FAM133A: variants seen among roughly 807,000 people sequenced by gnomAD.
FAM133A encodes the protein family with sequence similarity 133 member A.
For synonymous variants in FAM133A, 65 were observed against 58.6 expected, an observed-to-expected ratio of 1.11 and a Z score of -0.50; for missense variants, 159 against 164.4, an observed-to-expected ratio of 0.97 and a Z score of 0.18.
intron 2 of FAM133A, among the ~76,000 whole-genome samples, chrX:93,679,915 ATTTTTTTTTTTTTTT>A (rs376335726): frequency 7.9e-4 from 49 of 62,418 alleles, no homozygotes; most frequent in African/African-American, 3.8e-3. Context: ...CTCCTGGCAA[ATTTTTTTTTTTTTTT>A]TTTTTTTTTT....
intron 3 of FAM133A, among the ~76,000 whole-genome samples, chrX:93,708,151 G>A (rs1057274411): frequency 8.9e-6 from 1 of 111,776 alleles, no homozygotes; most frequent in Non-Finnish European, 1.9e-5. Context: ...TTAACCTAAT[G>A]GTTGACTTTC....
intron 2 of FAM133A, among the ~76,000 whole-genome samples, chrX:93,684,909 T>C (rs34564043): frequency 0.069 from 7,757 of 111,893 alleles, 611 homozygotes; most frequent in African/African-American, 0.23. Flanking sequence ...TTCACTTGAA[T>C]AGCACTCATA....
intron 2 of FAM133A, among the ~76,000 whole-genome samples, chrX:93,675,301 TG>T (rs1380779753): frequency 1.8e-5 from 2 of 112,138 alleles, no homozygotes; most frequent in Admixed American, 9.4e-5. Flanking sequence ...TGCCTATTTA[TG>T]TATACTGCTT....
chrX:93,707,343 G>C (rs1183452354), intron 3 of FAM133A, among the ~76,000 whole-genome samples: 1 of 111,356 alleles, frequency 9.0e-6, no homozygotes, highest in South Asian at 3.8e-4. Context: ...CTATCACCAA[G>C]AGTCACTGAA....
rs780369284 is a variant in FAM133A at position 93,710,142 on chromosome X, T to C, written c.723T>C (p.Ser241=). Residue 241 remains serine (S), a synonymous_variant, in exon 4 of 4, where the codon TCT becomes TCC. Transcript: ENST00000683942. ...ATAGTAAGAAGAAGAAAAAGAAGTC[T>C]GGATCAAGTCACAAGTCAAGGTAAC... ...KKHSKKKKKK[S]GSSHKSR is the part of the protein sequence containing the mutation. The C allele has an allele frequency of 8.5e-7, 1 of 1,180,837 alleles. No homozygotes were observed. The highest frequency in any genetic ancestry group is 2.6e-5 in the Admixed American group (1 of 38,141).
At chrX:93,700,932 C>T (rs1926650590) in intron 3 of FAM133A, among the ~76,000 whole-genome samples, 1 of 111,102 alleles carries the variant, frequency 9.0e-6, no homozygotes, top group Non-Finnish European at 1.9e-5. Context: ...AAGCCATGCA[C>T]AAATAGATAT....
Position 93,710,221 on chromosome X carries a change from T to G in FAM133A, c.*55T>G. ...CCGAGTTCCCCTGTGTTAGTAGAATTATTTCTGGACTTTGAGTTGCCTATC... is the reference window on the plus strand; with the variant it reads ...CCGAGTTCCCCTGTGTTAGTAGAATGATTTCTGGACTTTGAGTTGCCTATC... On this transcript the variant is annotated 3_prime_UTR_variant, in exon 4 of 4. Transcript: ENST00000683942. The G allele has an allele frequency of 1.8e-6, 2 of 1,113,537 alleles. No individual in the cohort carries two copies. Among genetic ancestry groups the G allele is most frequent in the African/African-American group, 3.7e-5 (2 of 53,628 alleles). 91.8% of individuals were successfully genotyped at this position (1,113,537 alleles called of 1,213,427 possible). A position where few individuals can be genotyped will look rare whatever the true frequency, so the allele number is the denominator to read the frequency against.
intron 2 of FAM133A, among the ~76,000 whole-genome samples, chrX:93,694,630 G>A (rs1052799162): frequency 1.8e-5 from 2 of 111,235 alleles, no homozygotes; most frequent in Admixed American, 9.6e-5. Context: ...GCTCTATTAG[G>A]GAAAATCAGA....
At chrX:93,702,203 C>T (rs1926750800) in intron 3 of FAM133A, among the ~76,000 whole-genome samples, 1 of 111,382 alleles carries the variant, frequency 9.0e-6, no homozygotes, top group Admixed American at 9.6e-5. Flanking sequence ...GTGCCAAGGT[C>T]TTGTTTTCTA....
chrX:93,699,432 G>A (rs141825227), intron 3 of FAM133A, among the ~76,000 whole-genome samples: 2,785 of 111,151 alleles, frequency 0.025, 96 homozygotes, highest in African/African-American at 0.085. Flanking sequence ...AATTTATTCA[G>A]TATTCACAGC....
In FAM133A at chrX:93,709,696, AG is replaced by A; in HGVS notation, c.278del (p.Arg93LysfsTer65). The A allele has an allele frequency of 8.4e-7, 1 of 1,195,798 alleles. No homozygotes were observed. Among genetic ancestry groups the A allele is most frequent in the Non-Finnish European group, 1.1e-6 (1 of 890,243 alleles). ...GNESSSKKRE[R>X]KKKRKKKSCR... The stretch of plus-strand genomic sequence containing the variant: ...TGAGAGCTCATCTAAAAAAAGAGAA[AG>A]AAAGAAAAAGAGAAAGAAGAAATCT... On this transcript the variant is annotated frameshift_variant, in exon 4 of 4. Transcript: ENST00000683942. LOFTEE classifies it low-confidence loss of function (END_TRUNC).
In FAM133A at chrX:93,709,758, T is replaced by C. The variant is rs368517810; in HGVS notation, c.339T>C (p.Ser113=). Residue 113 remains serine (S), a synonymous_variant, in exon 4 of 4, where the codon TCT becomes TCC. Coordinates refer to ENST00000683942, the MANE Select transcript of FAM133A (RefSeq NM_001171109.2). ...CATCTTCTTCATCAAGCTCTGATTC[T>C]TCAAGCAGTTCTTCAGATTCTGAGG... is the stretch of plus-strand genomic sequence containing the variant. ...RSSSSSSSSD[S]SSSSSDSEDE... 9 of 1,195,320 alleles carry C rather than the reference T, an allele frequency of 7.5e-6. No individual in the cohort carries two copies. The highest frequency in any genetic ancestry group is 9.0e-6 in the Non-Finnish European group (8 of 887,147).
chrX:93,706,591 C>T (rs1927058368), intron 3 of FAM133A, among the ~76,000 whole-genome samples: 1 of 111,693 alleles, frequency 9.0e-6, no homozygotes, highest in Non-Finnish European at 1.9e-5. Flanking sequence ...GCACTTCAAA[C>T]TTCAGGAGTC....
intron 2 of FAM133A, among the ~76,000 whole-genome samples, chrX:93,677,456 AT>A (rs1448872387): frequency 9.0e-6 from 1 of 111,550 alleles, no homozygotes; most frequent in Non-Finnish European, 1.9e-5. Flanking sequence ...ACACAAGTGA[AT>A]TCTTTTTTAA....
At chrX:93,708,608 A>C (rs143608343) in intron 3 of FAM133A, among the ~76,000 whole-genome samples, 1 of 111,940 alleles carries the variant, frequency 8.9e-6, no homozygotes, top group African/African-American at 3.2e-5. Context: ...CAGTTTATCT[A>C]TCTGTGAAAT....
chrX:93,711,391 T>A lies in FAM133A; in HGVS notation c.*1225T>A, dbSNP rs1400420789. The A allele has an allele frequency of 8.1e-6, 1 of 122,889 alleles. No individual in the cohort carries two copies. The allele number at this position is 122,889 out of a possible 1,213,427, so 10.1% of individuals were successfully genotyped here. A position where few individuals can be genotyped will look rare whatever the true frequency, so the allele number is the denominator to read the frequency against. On this transcript the variant is annotated 3_prime_UTR_variant, in exon 4 of 4. Transcript: ENST00000683942. ...ATGATAATGACATCATTGATCTTCC[T>A]GTGTCCGTATTTTCCTACAATTTGG...
At chrX:93,696,149 G>A (rs918224934) in intron 2 of FAM133A, among the ~76,000 whole-genome samples, 1 of 111,730 alleles carries the variant, frequency 9.0e-6, no homozygotes, top group African/African-American at 3.3e-5. Flanking sequence ...GGTCAGAACT[G>A]TGTATTCAAA....
intron 3 of FAM133A, among the ~76,000 whole-genome samples, chrX:93,700,938 G>A (rs1926651089): frequency 9.0e-6 from 1 of 111,301 alleles, no homozygotes; most frequent in Non-Finnish European, 1.9e-5. Context: ...TGCACAAATA[G>A]ATATGTTTTG....
chrX:93,692,580 TAAAC>T (rs1190565430), intron 2 of FAM133A, among the ~76,000 whole-genome samples: 3 of 111,889 alleles, frequency 2.7e-5, no homozygotes, highest in Non-Finnish European at 5.7e-5. Context: ...GTAATTTAAA[TAAAC>T]AAACAGATAT....
Sources: gnomAD v4.1 joint callset for allele counts (sites outside exome capture counted in the v4.1 genomes callset) on GRCh38, gnomAD v4.1.1 for gene constraint, MANE v1.5 for transcripts, NCBI Gene and HGNC (gene_info 2026-07-23, HGNC 2026-07-21) for gene names.